The following XKR6 variants were observed in gnomAD, a reference collection of about 807,000 sequenced individuals.
XKR6 encodes the protein XK-related protein 6.
XKR6 carries 22 observed loss-of-function variants against 56.7 expected under a neutral mutation model. The observed-to-expected ratio is 0.39, with a 90% CI of 0.28 to 0.55. The LOEUF (loss-of-function observed/expected upper bound fraction) is 0.55. Ranked by LOEUF, XKR6 falls within the 20% of genes least tolerant of loss-of-function variation. XKR6 has a pLI of 0.66. For synonymous variants in XKR6, 524 were observed against 387.8 expected (o/e 1.35, Z -4.13); for missense variants, 852 against 889.0 (o/e 0.96, Z 0.53).
intron 1 of XKR6, among the ~76,000 whole-genome samples, chr8:11,133,219 G>A (rs1800203404): frequency 6.6e-6 from 1 of 152,124 alleles, no homozygotes; most frequent in South Asian, 2.1e-4. Context: ...ATCAAAACAT[G>A]ATCATTGCTC....
At chr8:11,037,876 A>C (rs930395779) in intron 1 of XKR6, among the ~76,000 whole-genome samples, 21 of 151,350 alleles carry the variant, frequency 1.4e-4, no homozygotes, top group African/African-American at 5.1e-4. Context: ...AAAAAAAAAA[A>C]ATTAGCCGGG....
chr8:11,152,855 G>C (rs1801333826), intron 1 of XKR6, among the ~76,000 whole-genome samples: 1 of 152,076 alleles, frequency 6.6e-6, no homozygotes, highest in Non-Finnish European at 1.5e-5. Context: ...TTCCTATGCA[G>C]TCCTAAGCAT....
chr8:11,139,497 G>A (rs989273176), intron 1 of XKR6, among the ~76,000 whole-genome samples: 2 of 152,076 alleles, frequency 1.3e-5, no homozygotes, highest in African/African-American at 4.8e-5. Flanking sequence ...CTACTAGGAG[G>A]GATCTGGCCA....
rs149216256 is a variant in XKR6, at chr8:11,029,225, T to A, written c.765-104395A>T. On this transcript the variant is annotated intron_variant, in intron 1 of 2. Coordinates refer to ENST00000416569, the MANE Select transcript of XKR6 (RefSeq NM_173683.4). ...TCCTTCTGGGCTGTTGACCCCCAAA[T>A]GCCACACCCAACCTGGTCTTGTGCA... is the stretch of plus-strand genomic sequence containing the variant. Among the ~76,000 whole-genome samples the A allele has an allele frequency of 1.1e-3, 161 of 152,252 alleles. 1 individual carries two copies. The highest frequency in any genetic ancestry group is 3.5e-3 in the African/African-American group (147 of 41,542).
intron 1 of XKR6, among the ~76,000 whole-genome samples, chr8:11,002,639 G>A (rs892924714): frequency 6.6e-6 from 1 of 152,240 alleles, no homozygotes; most frequent in Non-Finnish European, 1.5e-5. Context: ...GGACACAGAC[G>A]TGACAAGTCA....
At chr8:11,037,576 T>C (rs1799177567) in intron 1 of XKR6, among the ~76,000 whole-genome samples, 1 of 151,792 alleles carries the variant, frequency 6.6e-6, no homozygotes, top group African/African-American at 2.4e-5. Context: ...AATGATTGAA[T>C]GGGCCGGGCG....
intron 1 of XKR6, among the ~76,000 whole-genome samples, chr8:11,179,293 A>T (rs1802844471): frequency 1.3e-5 from 2 of 152,202 alleles, no homozygotes; most frequent in Admixed American, 6.5e-5. Context: ...TCCTTTAGGT[A>T]ACTGTTAACT....
At chr8:11,137,287 TTTTAA>T in intron 1 of XKR6, 1 of 263,980 alleles carries the variant, frequency 3.8e-6, no homozygotes, top group Non-Finnish European at 7.4e-6. Context: ...GTGCTTTAAG[TTTTAA>T]TTTATTCAAG....
chr8:11,132,718 T>C (rs1800166137), intron 1 of XKR6, among the ~76,000 whole-genome samples: 1 of 151,796 alleles, frequency 6.6e-6, no homozygotes, highest in Non-Finnish European at 1.5e-5. Flanking sequence ...CTTCAACTTT[T>C]ACTTTCTTCA....
chr8:10,978,139 G>A (rs2129136376), intron 1 of XKR6, among the ~76,000 whole-genome samples: 1 of 152,126 alleles, frequency 6.6e-6, no homozygotes, highest in Admixed American at 6.5e-5. Context: ...CTCAATGAGG[G>A]CCTAGCCCCA....
chr8:11,044,985 A>T (rs189668975), intron 1 of XKR6, among the ~76,000 whole-genome samples: 1 of 149,788 alleles, frequency 6.7e-6, no homozygotes, highest in African/African-American at 2.5e-5. Flanking sequence ...GAAAGACAAC[A>T]TCTTTCTAAG....
chr8:11,060,723 G>A (rs865910072), intron 1 of XKR6, among the ~76,000 whole-genome samples: 1 of 152,224 alleles, frequency 6.6e-6, no homozygotes, highest in African/African-American at 2.4e-5. Flanking sequence ...GGCGCCAAAT[G>A]CTGAGTTTGG....
intron 1 of XKR6, among the ~76,000 whole-genome samples, chr8:11,198,911 C>T (rs1422983577): frequency 3.3e-5 from 5 of 151,682 alleles, no homozygotes; most frequent in Non-Finnish European, 7.4e-5. Flanking sequence ...CAACCCCCAG[C>T]CCCCGCCCAA....
At chr8:11,148,254 A>G (rs1801092382) in intron 1 of XKR6, among the ~76,000 whole-genome samples, 1 of 152,176 alleles carries the variant, frequency 6.6e-6, no homozygotes, top group Non-Finnish European at 1.5e-5. Context: ...AAATGAGGCT[A>G]TCATGGTGGA....
At chr8:10,948,798 G>A (rs1801628821) in intron 1 of XKR6, among the ~76,000 whole-genome samples, 1 of 152,242 alleles carries the variant, frequency 6.6e-6, no homozygotes, top group Admixed American at 6.5e-5. Context: ...CCATTCTGGG[G>A]AGACGTGCTC....
intron 1 of XKR6, among the ~76,000 whole-genome samples, chr8:11,161,095 T>C (rs1370476541): frequency 2.0e-5 from 3 of 152,096 alleles, no homozygotes. Flanking sequence ...GAGGACTTGT[T>C]AAAACATCCA....
chr8:10,993,301 G>A (rs532980956), intron 1 of XKR6, among the ~76,000 whole-genome samples: 125 of 152,308 alleles, frequency 8.2e-4, no homozygotes, highest in African/African-American at 2.8e-3. Flanking sequence ...TTGCAGCAGC[G>A]GCCCTGCAGT....
intron 1 of XKR6, among the ~76,000 whole-genome samples, chr8:11,096,062 A>T (rs889293716): frequency 1.3e-5 from 2 of 152,270 alleles, no homozygotes; most frequent in Admixed American, 1.3e-4. Flanking sequence ...CAACAAAGCT[A>T]AAGAATAAAT....
intron 1 of XKR6, among the ~76,000 whole-genome samples, chr8:11,135,810 TA>T (rs1800359317): frequency 6.7e-6 from 1 of 150,170 alleles, no homozygotes; most frequent in Non-Finnish European, 1.5e-5. Flanking sequence ...TCTAAATAAT[TA>T]AAAAAGAATA....
Sources: allele counts gnomAD v4.1 joint callset (sites outside exome capture counted in the v4.1 genomes callset), GRCh38; gene constraint gnomAD v4.1.1; transcripts MANE v1.5; gene names NCBI Gene and HGNC (gene_info 2026-07-23, HGNC 2026-07-21).